The following CAMK4 variants were observed in gnomAD, a reference collection of about 807,000 sequenced individuals.
The protein encoded by CAMK4 is calcium/calmodulin-dependent protein kinase type IV.
A neutral mutation model predicts 44.9 loss-of-function variants in CAMK4; 22 were observed. The ratio of observed to expected loss-of-function variants is 0.49; its 90% CI spans 0.35 to 0.70. The LOEUF (loss-of-function observed/expected upper bound fraction) is 0.70. CAMK4 is among the 30% of genes least tolerant of loss of function. CAMK4 has a pLI of 0.01. For missense variants in CAMK4, 498 were observed against 586.8 expected (o/e 0.85, Z 1.56); for synonymous variants, 218 against 215.4 (o/e 1.01, Z -0.11).
chr5:111,371,008 T>A (rs572845209), intron 2 of CAMK4, among the ~76,000 whole-genome samples: 1 of 152,352 alleles, frequency 6.6e-6, no homozygotes, highest in East Asian at 1.9e-4. Flanking sequence ...ACTGTTCTAG[T>A]AACGCCTCTC....
At position 111,486,409 on chromosome 5, in the gene CAMK4, T is replaced by A. The variant is rs1755621991; in HGVS notation, c.*1943T>A. On this transcript the variant is annotated 3_prime_UTR_variant, in exon 11 of 11. Coordinates refer to ENST00000282356, the MANE Select transcript of CAMK4 (RefSeq NM_001744.6). ...TTGTCCATTATAAGGGGCTCGCTAT[T>A]TTTAACCTTTAAGAATGTCTTCTTT... The A allele has an allele frequency of 1.3e-5, 2 of 152,100 alleles. No individual in the cohort carries two copies. Among genetic ancestry groups the A allele is most frequent in the Admixed American group, 1.3e-4 (2 of 15,232 alleles). The allele number at this position is 152,100 out of a possible 1,614,324, so 9.4% of individuals were successfully genotyped here. A position where few individuals can be genotyped will look rare whatever the true frequency, so the allele number is the denominator to read the frequency against.
intron 1 of CAMK4, among the ~76,000 whole-genome samples, chr5:111,336,131 A>G (rs1370971058): frequency 6.6e-6 from 1 of 151,304 alleles, no homozygotes. Context: ...TAATTTCTAT[A>G]ATTCTTTGGT....
chr5:111,224,419 G>T lies in CAMK4; in HGVS notation c.-65G>T. Reference sequence around the variant, plus strand: ...CCTGCGTTCGCAGGCGGCGGCTGGCGGCCGGCTTCTCGCTCGGGCAGCGGC... The same window carrying T: ...CCTGCGTTCGCAGGCGGCGGCTGGCTGCCGGCTTCTCGCTCGGGCAGCGGC... On this transcript the variant is annotated 5_prime_UTR_variant, in exon 1 of 11. Coordinates refer to ENST00000282356, the MANE Select transcript of CAMK4 (RefSeq NM_001744.6). This position sits in a 1 kb window ranked among gnomAD's most constrained non-coding sequence, Gnocchi z 5.7. 2 of 1,500,838 alleles carry T rather than the reference G, an allele frequency of 1.3e-6. No individual in the cohort carries two copies. Among genetic ancestry groups the T allele is most frequent in the Non-Finnish European group, 1.8e-6 (2 of 1,129,240 alleles). 93.0% of individuals were successfully genotyped at this position (1,500,838 alleles called of 1,614,324 possible).
intron 7 of CAMK4, among the ~76,000 whole-genome samples, chr5:111,464,063 A>T (rs1340826027): frequency 6.6e-6 from 1 of 152,088 alleles, no homozygotes; most frequent in Non-Finnish European, 1.5e-5. Context: ...CACCAGAGAA[A>T]GGTGAAGTCC....
In CAMK4 at chr5:111,285,149, G is replaced by T. The variant is rs1751187542; in HGVS notation, c.162-58875G>T. Among the ~76,000 whole-genome samples, 3 of 152,146 alleles carry T rather than the reference G, an allele frequency of 2.0e-5. No individual in the cohort carries two copies. The South Asian group carries it at 6.2e-4, about 32-fold the overall frequency. The stretch of plus-strand genomic sequence containing the variant: ...CAAGGAGTCGAAACAAATGAAAATT[G>T]TCTTAAAGTGATCATGGTACACTAG... On this transcript the variant is annotated intron_variant, in intron 1 of 10. Coordinates refer to ENST00000282356, the MANE Select transcript of CAMK4 (RefSeq NM_001744.6).
intron 5 of CAMK4, among the ~76,000 whole-genome samples, chr5:111,442,349 T>A (rs1191430945): frequency 6.6e-6 from 1 of 151,794 alleles, no homozygotes; most frequent in African/African-American, 2.4e-5. Flanking sequence ...CAAAGAAAAT[T>A]AGCTGGGCAT....
At chr5:111,268,190 A>G (rs556408472) in intron 1 of CAMK4, among the ~76,000 whole-genome samples, 4 of 152,292 alleles carry the variant, frequency 2.6e-5, no homozygotes, top group Admixed American at 2.0e-4. Flanking sequence ...CTCCTTTTAT[A>G]TATTTACTTC....
intron 1 of CAMK4, among the ~76,000 whole-genome samples, chr5:111,299,309 T>C (rs1461012555): frequency 6.6e-6 from 1 of 152,246 alleles, no homozygotes; most frequent in Non-Finnish European, 1.5e-5. Flanking sequence ...ATTGTCTATA[T>C]AAGGTATAAT....
chr5:111,250,795 TC>T (rs1453868107), intron 1 of CAMK4, among the ~76,000 whole-genome samples: 1 of 152,130 alleles, frequency 6.6e-6, no homozygotes, highest in Non-Finnish European at 1.5e-5. Flanking sequence ...CCCCTACCCT[TC>T]AGTTTTCTCA....
chr5:111,462,429 C>T (rs1208719011), intron 7 of CAMK4, among the ~76,000 whole-genome samples: 1 of 152,202 alleles, frequency 6.6e-6, no homozygotes, highest in Non-Finnish European at 1.5e-5. Context: ...CATTATTCCC[C>T]TAGCACCTCC....
chr5:111,286,898 G>A lies in CAMK4; in HGVS notation c.162-57126G>A, dbSNP rs564074216. On this transcript the variant is annotated intron_variant, in intron 1 of 10. Coordinates refer to ENST00000282356, the MANE Select transcript of CAMK4 (RefSeq NM_001744.6). Reference sequence around the variant, plus strand: ...ACTTCTTTGAAGTAGAGTTTTCACTGTTTTTAGACAAGTTCATTTCTTCTT... The same window carrying A: ...ACTTCTTTGAAGTAGAGTTTTCACTATTTTTAGACAAGTTCATTTCTTCTT... 1.1e-3 allele frequency among the ~76,000 whole-genome samples: 165 copies of A among 152,234 alleles called. 3 individuals carry two copies. The highest frequency in any genetic ancestry group is 7.6e-3 in the Admixed American group (116 of 15,288).
intron 5 of CAMK4, among the ~76,000 whole-genome samples, chr5:111,435,057 G>A (rs191768368): frequency 2.0e-5 from 3 of 152,300 alleles, no homozygotes; most frequent in East Asian, 1.9e-4. Context: ...CGTAGAGAGA[G>A]TTTAATTACA....
intron 2 of CAMK4, among the ~76,000 whole-genome samples, chr5:111,349,222 G>A (rs759138681): frequency 4.6e-5 from 7 of 151,936 alleles, no homozygotes; most frequent in African/African-American, 9.7e-5. Flanking sequence ...TGTTCCCCAT[G>A]CATGCTACAT....
intron 4 of CAMK4, among the ~76,000 whole-genome samples, chr5:111,389,956 TG>T (rs1445717785): frequency 6.6e-6 from 1 of 152,032 alleles, no homozygotes; most frequent in Admixed American, 6.5e-5. Context: ...GAACTTTCTC[TG>T]TCACAGTAGT....
At chr5:111,424,546 G>A (rs1457808777) in intron 5 of CAMK4, among the ~76,000 whole-genome samples, 4 of 136,160 alleles carry the variant, frequency 2.9e-5, no homozygotes, top group South Asian at 4.9e-4. Flanking sequence ...CTGAGTTCAC[G>A]CCATTCTCCT....
At chr5:111,308,253 AAAAAT>A (rs1370427089) in intron 1 of CAMK4, among the ~76,000 whole-genome samples, 1 of 148,696 alleles carries the variant, frequency 6.7e-6, no homozygotes, top group Non-Finnish European at 1.5e-5. Context: ...AGTATAATAA[AAAAAT>A]AAAATAAAAT....
At chr5:111,372,408 T>C (rs532522630) in intron 2 of CAMK4, among the ~76,000 whole-genome samples, 1 of 152,244 alleles carries the variant, frequency 6.6e-6, no homozygotes, top group Admixed American at 6.5e-5. Flanking sequence ...AGGCTAATGA[T>C]AATACTATTT....
At chr5:111,395,003 G>T (rs1026455315) in intron 5 of CAMK4, among the ~76,000 whole-genome samples, 1 of 151,994 alleles carries the variant, frequency 6.6e-6, no homozygotes, top group Non-Finnish European at 1.5e-5. Context: ...AAGGTCAGGA[G>T]TTCCAGACCA....
chr5:111,477,039 G>A (rs545010484), intron 8 of CAMK4, among the ~76,000 whole-genome samples: 7 of 152,298 alleles, frequency 4.6e-5, no homozygotes, highest in African/African-American at 1.7e-4. Context: ...AACTGCAACA[G>A]GCCATAGGTT....
Sources: gnomAD v4.1 joint callset for allele counts (sites outside exome capture counted in the v4.1 genomes callset) on GRCh38, gnomAD v4.1.1 for gene constraint, Gnocchi (gnomAD v3.1) non-coding constraint, MANE v1.5 for transcripts, NCBI Gene and HGNC (gene_info 2026-07-23, HGNC 2026-07-21) for gene names.